The following FLI1 variants were observed in gnomAD, a reference collection of about 807,000 sequenced individuals.
FLI1 encodes the protein Friend leukemia integration 1 transcription factor.
In FLI1, 13 loss-of-function variants were observed where a neutral mutation model predicts 53.1. That is an observed-to-expected ratio of 0.24 (90% CI 0.16 to 0.39). FLI1 has a LOEUF of 0.39. Ranked by LOEUF, FLI1 falls within the 10% of genes least tolerant of loss-of-function variation. The pLI is 1.00. For synonymous variants in FLI1, 244 were observed against 236.7 expected (o/e 1.03, Z -0.28); for missense variants, 424 against 600.5 (o/e 0.71, Z 3.07).
intron 4 of FLI1, among the ~76,000 whole-genome samples, chr11:128,778,102 T>C (rs1028552880): frequency 3.3e-5 from 5 of 152,164 alleles, no homozygotes; most frequent in Non-Finnish European, 7.3e-5. Context: ...AGAGCAAAAA[T>C]GCCCTCAATA....
chr11:128,693,727 G>A (rs1271280603), upstream of FLI1: 2 of 233,352 alleles, frequency 8.6e-6, no homozygotes, highest in African/African-American at 2.2e-5. Context: ...CGCGGACGCT[G>A]GGCGTGGACC....
At chr11:128,713,291 T>A (rs1417962265) in intron 1 of FLI1, among the ~76,000 whole-genome samples, 1 of 152,246 alleles carries the variant, frequency 6.6e-6, no homozygotes, top group African/African-American at 2.4e-5. Context: ...ATGTAGAATT[T>A]ATCAATAGTT....
chr11:128,689,083 C>T (rs575532682), upstream of FLI1, among the ~76,000 whole-genome samples: 23 of 152,274 alleles, frequency 1.5e-4, no homozygotes, highest in East Asian at 1.9e-4. Flanking sequence ...ATTATAACCC[C>T]ATTGTACAGA....
At chr11:128,710,615 T>C (rs960674880) in intron 1 of FLI1, among the ~76,000 whole-genome samples, 20 of 152,182 alleles carry the variant, frequency 1.3e-4, no homozygotes, top group Non-Finnish European at 2.2e-4. Context: ...CAAATTTATA[T>C]TTCAAATTAT....
chr11:128,791,709 C>A (rs1942278571), intron 5 of FLI1, among the ~76,000 whole-genome samples: 1 of 152,174 alleles, frequency 6.6e-6, no homozygotes, highest in African/African-American at 2.4e-5. Context: ...CCTACCCTGC[C>A]CTAAATTTCC....
In FLI1 at chr11:128,811,770, G is replaced by A. The variant is rs564070091; in HGVS notation, c.*782G>A. 7.4e-5 allele frequency: 15 copies of A among 202,180 alleles called. No individual in the cohort carries two copies. In the South Asian group the frequency reaches 1.1e-3, roughly 15 times the overall value. 12.5% of individuals were successfully genotyped at this position (202,180 alleles called of 1,614,324 possible). On this transcript the variant is annotated 3_prime_UTR_variant, in exon 9 of 9. Coordinates refer to ENST00000527786, the MANE Select transcript of FLI1 (RefSeq NM_002017.5). ...GGGATTTCTAAACTCAAGCAGATTC[G>A]CAAGTGCTGTGCGCTTGTCAGACCA...
chr11:128,800,672 C>G (rs1300853428), intron 5 of FLI1, among the ~76,000 whole-genome samples: 1 of 152,218 alleles, frequency 6.6e-6, no homozygotes, highest in African/African-American at 2.4e-5. Flanking sequence ...TCAGGAGGCT[C>G]TCCTGGAATC....
At chr11:128,763,160 G>A (rs144699559) in intron 2 of FLI1, among the ~76,000 whole-genome samples, 3 of 152,208 alleles carry the variant, frequency 2.0e-5, no homozygotes, top group African/African-American at 7.2e-5. Context: ...GGAGGTGTGC[G>A]GTGCACCTGA....
At chr11:128,741,730 C>A (rs925741778) in intron 1 of FLI1, among the ~76,000 whole-genome samples, 2 of 152,182 alleles carry the variant, frequency 1.3e-5, no homozygotes, top group Non-Finnish European at 2.9e-5. Context: ...TGCCCCTCCC[C>A]CCGATTCCTG....
intron 5 of FLI1, among the ~76,000 whole-genome samples, chr11:128,792,743 G>A (rs1421883071): frequency 2.0e-5 from 3 of 152,002 alleles, no homozygotes; most frequent in African/African-American, 7.3e-5. Flanking sequence ...ACATTTAAGA[G>A]GATAAAGGAA....
intron 1 of FLI1, among the ~76,000 whole-genome samples, chr11:128,688,242 G>A (rs1176147511): frequency 2.0e-5 from 3 of 152,170 alleles, no homozygotes; most frequent in Non-Finnish European, 4.4e-5. Context: ...CCCGGAACCC[G>A]ACTCAGGCCA....
chr11:128,781,796 A>T (rs1405981962), intron 4 of FLI1, among the ~76,000 whole-genome samples, 162 bp from the exon 5 acceptor site: 3 of 152,088 alleles, frequency 2.0e-5, no homozygotes, highest in Non-Finnish European at 4.4e-5. Flanking sequence ...GATTGTCTCC[A>T]ACCAAATGGA....
At chr11:128,718,417 G>A (rs1591749699) in intron 1 of FLI1, among the ~76,000 whole-genome samples, 1 of 150,354 alleles carries the variant, frequency 6.7e-6, no homozygotes, top group Non-Finnish European at 1.5e-5. Context: ...GTGGGGATAC[G>A]GGAATGAGTC....
chr11:128,702,376 TA>T, intron 1 of FLI1, among the ~76,000 whole-genome samples: 1 of 152,266 alleles, frequency 6.6e-6, no homozygotes. Context: ...GAGAAATCTT[TA>T]TTTGTGGCTT....
chr11:128,736,524 C>A (rs1334272014), intron 1 of FLI1, among the ~76,000 whole-genome samples: 2 of 152,210 alleles, frequency 1.3e-5, no homozygotes, highest in Non-Finnish European at 1.5e-5. Context: ...GGAAAGATTT[C>A]TTGAGACATG....
intron 1 of FLI1, among the ~76,000 whole-genome samples, chr11:128,734,526 T>C (rs1591763954): frequency 6.6e-6 from 1 of 152,224 alleles, no homozygotes. Context: ...TCTTCAAAGA[T>C]AACTGCAGAT....
chr11:128,722,877 C>G (rs1027600327), intron 1 of FLI1, among the ~76,000 whole-genome samples: 1 of 152,118 alleles, frequency 6.6e-6, no homozygotes, highest in Non-Finnish European at 1.5e-5. Context: ...GGAAAAATAT[C>G]CCTGTTCTAG....
rs1938547560 is a variant in FLI1, at chr11:128,706,399, C to G, written c.18+12123C>G. Among the ~76,000 whole-genome samples the G allele has an allele frequency of 2.0e-5, 3 of 152,310 alleles. No homozygotes were observed. The South Asian group carries it at 6.2e-4, about 32-fold the overall frequency. On this transcript the variant is annotated intron_variant, in intron 1 of 8. Coordinates refer to ENST00000527786, the MANE Select transcript of FLI1 (RefSeq NM_002017.5). ...ACTACTGAAAGACCTTTAGGCATGA[C>G]CCAGGGTAACAAGGGAGCACTGTTA...
chr11:128,756,843 C>G (rs924793063), intron 1 of FLI1, among the ~76,000 whole-genome samples: 7 of 152,116 alleles, frequency 4.6e-5, no homozygotes, highest in African/African-American at 1.7e-4. Context: ...GACTCTTACC[C>G]TCATGTTTTG....
Sources: gnomAD v4.1 joint callset for allele counts (sites outside exome capture counted in the v4.1 genomes callset) on GRCh38, gnomAD v4.1.1 for gene constraint, MANE v1.5 for transcripts, NCBI Gene and HGNC (gene_info 2026-07-23, HGNC 2026-07-21) for gene names.